The following STARD13 variants were observed in gnomAD, a reference collection of about 807,000 sequenced individuals.
STARD13 encodes stAR-related lipid transfer protein 13.
A neutral mutation model predicts 106.4 loss-of-function variants in STARD13; 62 were observed. The observed-to-expected ratio is 0.58, with a 90% CI of 0.48 to 0.72. The LOEUF is 0.72. Ranked by LOEUF, STARD13 falls within the 30% of genes least tolerant of loss-of-function variation. The pLI is 0.00. For missense variants in STARD13, 1,387 were observed against 1,424.0 expected (o/e 0.97, Z 0.42); for synonymous variants, 565 against 553.0 (o/e 1.02, Z -0.31).
chr13:33,644,188 C>G, the STARD13 span, among the ~76,000 whole-genome samples: 1 of 152,194 alleles, frequency 6.6e-6, no homozygotes, highest in Admixed American at 6.5e-5. Context: ...AAAGCATGGG[C>G]TCCAGGGGCC....
chr13:33,660,358 A>G, the STARD13 span, among the ~76,000 whole-genome samples: 2 of 152,242 alleles, frequency 1.3e-5, no homozygotes, highest in East Asian at 3.8e-4. Context: ...ACATTTCTCC[A>G]ATTGTTAAAA....
At chr13:33,521,482 A>T in the STARD13 span, among the ~76,000 whole-genome samples, 1 of 152,146 alleles carries the variant, frequency 6.6e-6, no homozygotes, top group Non-Finnish European at 1.5e-5. Flanking sequence ...CTTCCTAAAG[A>T]TTCACAGCTA....
chr13:33,503,190 T>C, the STARD13 span, among the ~76,000 whole-genome samples: 22 of 152,364 alleles, frequency 1.4e-4, no homozygotes, highest in African/African-American at 5.3e-4. Flanking sequence ...TAGTATTCTC[T>C]GATGGTAGTT....
At chr13:33,617,247 G>A in the STARD13 span, among the ~76,000 whole-genome samples, 5 of 152,152 alleles carry the variant, frequency 3.3e-5, no homozygotes, top group African/African-American at 9.7e-5. Context: ...ATGACTAAAC[G>A]AGTTAATAGT....
chr13:33,354,010 T>G (rs1398422251), upstream of STARD13, among the ~76,000 whole-genome samples: 3 of 152,218 alleles, frequency 2.0e-5, no homozygotes, highest in Non-Finnish European at 4.4e-5. Context: ...CCCTTCCGGA[T>G]GGGTATCTCC....
At chr13:33,301,590 C>T (rs183523509) in intron 1 of STARD13, among the ~76,000 whole-genome samples, 2,050 of 127,540 alleles carry the variant, frequency 0.016, 34 homozygotes, top group Non-Finnish European at 0.02. Context: ...TTTTTTGAGA[C>T]GGAGTCTCGC....
chr13:33,557,066 T>C, the STARD13 span, among the ~76,000 whole-genome samples: 39 of 152,340 alleles, frequency 2.6e-4, no homozygotes, highest in Non-Finnish European at 4.4e-5. Context: ...TCATTCAATC[T>C]GTAGAGCACC....
chr13:33,250,307 C>T (rs1379590500), intron 1 of STARD13, among the ~76,000 whole-genome samples: 2 of 152,158 alleles, frequency 1.3e-5, no homozygotes, highest in Non-Finnish European at 2.9e-5. Context: ...GCCAAAAGTT[C>T]CCTATAGGAA....
chr13:33,476,952 A>G, the STARD13 span, among the ~76,000 whole-genome samples: 1 of 152,220 alleles, frequency 6.6e-6, no homozygotes. Flanking sequence ...ACACAGGGCC[A>G]GAAATTAAAG....
the STARD13 span, among the ~76,000 whole-genome samples, chr13:33,472,930 C>T: frequency 6.6e-6 from 1 of 152,154 alleles, no homozygotes; most frequent in African/African-American, 2.4e-5. Context: ...ATTTACCCTC[C>T]CCTCAGGCAG....
the STARD13 span, among the ~76,000 whole-genome samples, chr13:33,435,569 C>T: frequency 8.5e-5 from 13 of 152,062 alleles, no homozygotes; most frequent in African/African-American, 3.1e-4. Flanking sequence ...TATCTCTCTA[C>T]ATATATAGCC....
At chr13:33,495,217 G>A in the STARD13 span, among the ~76,000 whole-genome samples, 1 of 152,180 alleles carries the variant, frequency 6.6e-6, no homozygotes, top group Non-Finnish European at 1.5e-5. Flanking sequence ...TCTTGTGATT[G>A]TACCTGTCAA....
chr13:33,470,067 G>A, the STARD13 span, among the ~76,000 whole-genome samples: 1 of 151,996 alleles, frequency 6.6e-6, no homozygotes, highest in Non-Finnish European at 1.5e-5. Flanking sequence ...CTCCCCGACA[G>A]GCTCCACTGT....
chr13:33,572,205 G>A, the STARD13 span, among the ~76,000 whole-genome samples: 8 of 152,242 alleles, frequency 5.3e-5, no homozygotes, highest in East Asian at 1.3e-3. Context: ...TTAGCCTAAA[G>A]TTGCCTCCTT....
At chr13:33,394,952 A>C in the STARD13 span, among the ~76,000 whole-genome samples, 1 of 152,210 alleles carries the variant, frequency 6.6e-6, no homozygotes, top group Non-Finnish European at 1.5e-5. Flanking sequence ...AATGGTGTTG[A>C]AGGTTAGAAC....
intron 1 of STARD13, among the ~76,000 whole-genome samples, chr13:33,298,463 G>A (rs980509748): frequency 6.6e-6 from 1 of 151,660 alleles, no homozygotes; most frequent in African/African-American, 2.4e-5. Flanking sequence ...GCCACAGAAC[G>A]TTCAGCTTCT....
the STARD13 span, among the ~76,000 whole-genome samples, chr13:33,672,795 G>C: frequency 3.3e-5 from 5 of 152,182 alleles, no homozygotes; most frequent in Non-Finnish European, 1.5e-5. Context: ...AATTTGCTTT[G>C]ATGAAATTAC....
At chr13:33,520,282 C>G in the STARD13 span, 1 of 152,064 alleles carries the variant, frequency 6.6e-6, no homozygotes, top group African/African-American at 2.4e-5. Context: ...TATATCTAGT[C>G]AAGGCCTAAA....
chr13:33,362,494 C>T, the STARD13 span, among the ~76,000 whole-genome samples: 1 of 152,140 alleles, frequency 6.6e-6, no homozygotes, highest in Non-Finnish European at 1.5e-5. Context: ...CTTTGGAGTC[C>T]TGAGAAATCC....
Sources: allele counts gnomAD v4.1 joint callset (sites outside exome capture counted in the v4.1 genomes callset), GRCh38; gene constraint gnomAD v4.1.1; transcripts MANE v1.5; gene names NCBI Gene and HGNC (gene_info 2026-07-23, HGNC 2026-07-21).